The following HYCC2 variants were observed in gnomAD, a reference collection of about 807,000 sequenced individuals.
HYCC2 encodes hyccin 2.
chr2:201,047,760 C>T, the HYCC2 span, among the ~76,000 whole-genome samples: 1 of 150,628 alleles, frequency 6.6e-6, no homozygotes, highest in South Asian at 2.1e-4. Flanking sequence ...AATTTCTCAA[C>T]AGAAACAACA....
At chr2:201,067,066 G>A in the HYCC2 span, 2 of 311,628 alleles carry the variant, frequency 6.4e-6, no homozygotes, top group South Asian at 3.2e-5. Context: ...CTACAAAGAA[G>A]CTCCATAACA....
chr2:201,028,672 C>T, the HYCC2 span, among the ~76,000 whole-genome samples: 2 of 152,154 alleles, frequency 1.3e-5, no homozygotes. Flanking sequence ...CATCTACAAC[C>T]ATCTGATCTT....
chr2:201,066,322 C>A, the HYCC2 span, among the ~76,000 whole-genome samples: 2 of 152,208 alleles, frequency 1.3e-5, no homozygotes, highest in Non-Finnish European at 2.9e-5. Flanking sequence ...GATCTGCTCA[C>A]CTCGGCCTCC....
At chr2:201,053,271 CA>C in the HYCC2 span, among the ~76,000 whole-genome samples, 6 of 152,168 alleles carry the variant, frequency 3.9e-5, no homozygotes, top group South Asian at 1.2e-3. Flanking sequence ...TATAGGTGCC[CA>C]CCACCACGCC....
the HYCC2 span, among the ~76,000 whole-genome samples, chr2:201,054,289 T>A: frequency 3.3e-3 from 499 of 152,372 alleles, 3 homozygotes; most frequent in Middle Eastern, 6.8e-3. Context: ...CTTCATTCCA[T>A]ATGCCTTTCG....
chr2:201,050,411 A>C, the HYCC2 span, among the ~76,000 whole-genome samples: 1 of 152,080 alleles, frequency 6.6e-6, no homozygotes, highest in Non-Finnish European at 1.5e-5. Context: ...AGATGGTTTC[A>C]CTAGTGAATT....
the HYCC2 span, chr2:200,996,042 T>C: frequency 6.7e-6 from 1 of 150,056 alleles, no homozygotes; most frequent in Non-Finnish European, 1.5e-5. Flanking sequence ...TTTTTTTTTT[T>C]TTTTTTTGAG....
At chr2:200,996,312 C>G in the HYCC2 span, 1 of 152,162 alleles carries the variant, frequency 6.6e-6, no homozygotes, top group African/African-American at 2.4e-5. Flanking sequence ...GGCCACTGAC[C>G]CTGGCCTACA....
At chr2:201,016,330 C>T in the HYCC2 span, among the ~76,000 whole-genome samples, 1 of 152,110 alleles carries the variant, frequency 6.6e-6, no homozygotes, top group Non-Finnish European at 1.5e-5. Context: ...GCTCTCTTGC[C>T]CAGGCTTGAG....
chr2:200,988,467 G>C, the HYCC2 span: 4 of 1,485,142 alleles, frequency 2.7e-6, no homozygotes, highest in African/African-American at 5.6e-5. Flanking sequence ...TCAATATGCA[G>C]TTTTTGTTTA....
chr2:200,995,997 C>G, the HYCC2 span: 1 of 149,702 alleles, frequency 6.7e-6, no homozygotes, highest in Non-Finnish European at 1.5e-5. Flanking sequence ...TGTCTCTGAA[C>G]TAATTTGTAT....
At chr2:201,069,953 C>T in the HYCC2 span, among the ~76,000 whole-genome samples, 8 of 152,180 alleles carry the variant, frequency 5.3e-5, no homozygotes, top group East Asian at 1.5e-3. Context: ...ACATGCAGTA[C>T]CGAAATAAAT....
the HYCC2 span, among the ~76,000 whole-genome samples, chr2:201,005,316 C>A: frequency 1.3e-5 from 2 of 152,032 alleles, no homozygotes; most frequent in African/African-American, 4.8e-5. Context: ...AGAGATGATG[C>A]TGGAATAGTC....
At chr2:200,992,418 G>T in the HYCC2 span, 1 of 1,232,406 alleles carries the variant, frequency 8.1e-7, no homozygotes, top group South Asian at 1.2e-5. Flanking sequence ...CTAATCTTCA[G>T]CACAACTTTT....
chr2:201,015,451 A>C, the HYCC2 span, among the ~76,000 whole-genome samples: 1 of 152,172 alleles, frequency 6.6e-6, no homozygotes, highest in African/African-American at 2.4e-5. Flanking sequence ...ATAATACTAT[A>C]TGGACTTTTT....
At chr2:201,040,911 C>G in the HYCC2 span, among the ~76,000 whole-genome samples, 1 of 152,096 alleles carries the variant, frequency 6.6e-6, no homozygotes, top group Non-Finnish European at 1.5e-5. Context: ...CTTATGGACC[C>G]CCTTAAAGGA....
chr2:201,050,599 G>GA, the HYCC2 span, among the ~76,000 whole-genome samples: 575 of 71,574 alleles, frequency 8.0e-3, 3 homozygotes, highest in Middle Eastern at 0.019. Context: ...CTCAAAAAAA[G>GA]AAAAAAAAAA....
chr2:201,034,876 G>C, the HYCC2 span, among the ~76,000 whole-genome samples: 22 of 152,246 alleles, frequency 1.4e-4, no homozygotes, highest in Non-Finnish European at 2.9e-5. Context: ...AGTTTGGCTG[G>C]ATATGAAATT....
At chr2:201,022,832 T>C in the HYCC2 span, 5 of 1,585,150 alleles carry the variant, frequency 3.2e-6, no homozygotes, top group Admixed American at 3.4e-5. Flanking sequence ...GTCTCCTACC[T>C]CATTATTTGA....
Sources: gnomAD v4.1 joint callset for allele counts (sites outside exome capture counted in the v4.1 genomes callset) on GRCh38, gnomAD v4.1.1 for gene constraint, MANE v1.5 for transcripts, NCBI Gene and HGNC (gene_info 2026-07-23, HGNC 2026-07-21) for gene names.